Variants in EIF4G3 observed in about 807,000 individuals in gnomAD.
The protein encoded by EIF4G3 is eIF-4-gamma 3.
A neutral mutation model predicts 186.4 loss-of-function variants in EIF4G3; 34 were observed. That is an observed-to-expected ratio of 0.18 (90% confidence interval 0.14 to 0.24). EIF4G3 has a LOEUF of 0.24. Among genes scored for constraint, EIF4G3 ranks in the 10% least tolerant of loss-of-function variants. The pLI, the probability that EIF4G3 is intolerant of heterozygous loss-of-function variation, is 1.00. For missense variants in EIF4G3, 1,536 were observed against 1,948.5 expected (o/e 0.79, Z 3.99); for synonymous variants, 673 against 679.5 (o/e 0.99, Z 0.15).
Position 20,874,273 on chromosome 1 carries a change from A to G in EIF4G3, c.2622+5050T>C, listed in dbSNP as rs369778821. 2.8e-4 allele frequency among the ~76,000 whole-genome samples: 43 copies of G among 152,138 alleles called. 3 individuals are homozygous for G. Among genetic ancestry groups the G allele is most frequent in the African/African-American group, 8.2e-4 (34 of 41,554 alleles). On this transcript the variant is annotated intron_variant, in intron 20 of 36. Coordinates refer to ENST00000602326, the MANE Select transcript of EIF4G3 (RefSeq NM_001391906.1). ...TCCTTGAGGAATCGTCATACTGTTG[A>G]ACCAACTTACGTTCCCACCAACAGT... is the stretch of plus-strand genomic sequence containing the variant.
chr1:21,071,101 G>T (rs1423141079), intron 3 of EIF4G3, among the ~76,000 whole-genome samples: 1 of 152,126 alleles, frequency 6.6e-6, no homozygotes, highest in Admixed American at 6.6e-5. Context: ...ATAAATGATT[G>T]ATCTAATATA....
rs375832191 is a variant in EIF4G3, at chr1:21,002,776, T to C, written c.-34A>G. 2 of 1,613,632 alleles carry C rather than the reference T, an allele frequency of 1.2e-6. No individual in the cohort carries two copies. Among genetic ancestry groups the C allele is most frequent in the Non-Finnish European group, 1.7e-6 (2 of 1,179,632 alleles). ...GGGTTTGAGGGTATACCAGCGTGGT[T>C]GGACCTGCATTCTGTCCAGAGGGAT... On this transcript the variant is annotated 5_prime_UTR_variant, in exon 5 of 37. Coordinates refer to ENST00000602326, the MANE Select transcript of EIF4G3 (RefSeq NM_001391906.1).
intron 3 of EIF4G3, among the ~76,000 whole-genome samples, chr1:21,052,723 G>GGC (rs1369988683): frequency 1.3e-5 from 2 of 152,172 alleles, no homozygotes; most frequent in Non-Finnish European, 2.9e-5. Flanking sequence ...TGCGATTGCA[G>GGC]GCGCGCGCCG....
At chr1:20,981,380 T>A in intron 8 of EIF4G3, 153 bp from the exon 9 acceptor site, 1 of 608,990 alleles carries the variant, frequency 1.6e-6, no homozygotes, top group Admixed American at 3.1e-5. Flanking sequence ...ATTGCTGGGT[T>A]CCCAAAAATA....
chr1:20,902,167 G>C (rs1189378586), intron 15 of EIF4G3, among the ~76,000 whole-genome samples: 1 of 151,544 alleles, frequency 6.6e-6, no homozygotes, highest in Non-Finnish European at 1.5e-5. Flanking sequence ...AGGTTCAAGC[G>C]ATTCTCCTGC....
At chr1:20,998,212 TACACACACACACACAC>T (rs5772928) in intron 6 of EIF4G3, among the ~76,000 whole-genome samples, 53 of 148,452 alleles carry the variant, frequency 3.6e-4, no homozygotes, top group Non-Finnish European at 4.6e-4. Context: ...TTTATGACTT[TACACACACACACACAC>T]ACACACACAC....
intron 30 of EIF4G3, among the ~76,000 whole-genome samples, chr1:20,835,331 A>G (rs1213929711): frequency 6.6e-6 from 1 of 152,184 alleles, no homozygotes; most frequent in Non-Finnish European, 1.5e-5. Flanking sequence ...CTAGAAAAAG[A>G]AGAACAAACT....
intron 3 of EIF4G3, among the ~76,000 whole-genome samples, chr1:21,073,311 G>A (rs1324679402): frequency 6.6e-6 from 1 of 151,980 alleles, no homozygotes; most frequent in African/African-American, 2.4e-5. Flanking sequence ...ATTTTCAAAC[G>A]CCCTTGCAGC....
At chr1:20,884,023 G>T (rs1325432831) in intron 19 of EIF4G3, among the ~76,000 whole-genome samples, 2 of 152,186 alleles carry the variant, frequency 1.3e-5, no homozygotes, top group African/African-American at 4.8e-5. Context: ...GCTTCAAGAA[G>T]ATGAGAATAA....
At chr1:20,962,350 A>C (rs2073510434) in intron 12 of EIF4G3, among the ~76,000 whole-genome samples, 1 of 152,204 alleles carries the variant, frequency 6.6e-6, no homozygotes, top group Admixed American at 6.5e-5. Context: ...TGTAAGCTAG[A>C]AGAAAATGTG....
At chr1:20,838,351 A>C (rs1209949652) in intron 30 of EIF4G3, among the ~76,000 whole-genome samples, 1 of 152,164 alleles carries the variant, frequency 6.6e-6, no homozygotes, top group African/African-American at 2.4e-5. Flanking sequence ...CATTTCCAGA[A>C]TTTTCTGAGG....
At chr1:20,969,708 T>G (rs1226351738) in intron 11 of EIF4G3, 112 bp from the exon 12 acceptor site, 1 of 967,504 alleles carries the variant, frequency 1.0e-6, no homozygotes, top group Admixed American at 2.4e-5. Context: ...ATATCAAAGG[T>G]GATAATCACC....
rs1436000157 is a variant in EIF4G3 at position 20,841,114 on chromosome 1, AAC to A, written c.3889-88_3889-87del. On this transcript the variant is annotated intron_variant, in intron 29 of 36. Coordinates refer to ENST00000602326, the MANE Select transcript of EIF4G3 (RefSeq NM_001391906.1). ...GATAACTTTAAAATCTTTTACTTAC[AAC>A]AGAATCAGTAGAAACTTCCATGAAC... The A allele has an allele frequency of 6.5e-6, 9 of 1,381,490 alleles. No individual in the cohort carries two copies. In the African/African-American group the frequency reaches 1.3e-4, roughly 20 times the overall value. 85.6% of individuals were successfully genotyped at this position (1,381,490 alleles called of 1,614,324 possible). A position where few individuals can be genotyped will look rare whatever the true frequency, so the allele number is the denominator to read the frequency against.
chr1:21,081,948 CT>C (rs981259302), intron 3 of EIF4G3, among the ~76,000 whole-genome samples: 1 of 151,262 alleles, frequency 6.6e-6, no homozygotes, highest in African/African-American at 2.4e-5. Context: ...ACAGCCCCAA[CT>C]TTTTTTTCTT....
At chr1:20,871,981 G>A (rs2079326529) in intron 20 of EIF4G3, among the ~76,000 whole-genome samples, 1 of 151,874 alleles carries the variant, frequency 6.6e-6, no homozygotes, top group South Asian at 2.1e-4. Flanking sequence ...GCGCCACCAT[G>A]CCCAGCTAAT....
chr1:20,960,376 G>C (rs1183496350), intron 12 of EIF4G3, among the ~76,000 whole-genome samples: 1 of 152,080 alleles, frequency 6.6e-6, no homozygotes. Flanking sequence ...TGAGACAGAA[G>C]AATCACTTGA....
At chr1:20,999,340 G>A (rs754893244) in intron 6 of EIF4G3, 1 of 378,892 alleles carries the variant, frequency 2.6e-6, no homozygotes. Flanking sequence ...ATTAGGAGAA[G>A]AAAACATCAT....
At chr1:21,083,031 C>G (rs1300994603) in intron 3 of EIF4G3, among the ~76,000 whole-genome samples, 9 of 84,294 alleles carry the variant, frequency 1.1e-4, no homozygotes, top group African/African-American at 4.1e-4. Context: ...CAGCGAGACT[C>G]TGTCTCAAAA....
At position 20,969,500 on chromosome 1, in the gene EIF4G3, G is replaced by C; in HGVS notation, c.688C>G (p.Pro230Ala). 1 of 1,613,918 alleles carries C rather than the reference G, an allele frequency of 6.2e-7. No homozygotes were observed. Among genetic ancestry groups the C allele is most frequent in the Non-Finnish European group, 8.5e-7 (1 of 1,179,864 alleles). The change falls in exon 12 of 37, where the codon CCC becomes GCC. Residue 230 changes from proline (P) to alanine (A), a missense_variant. Pro to Ala is a conservative substitution (Grantham distance 27). Coordinates refer to ENST00000602326, the MANE Select transcript of EIF4G3 (RefSeq NM_001391906.1). Reference sequence around the variant, plus strand: ...TGAGGAGGAGTAGGTGTGGACGTGGGTCTTCCTATGGGTGGAGTAGGATTT... The same window carrying C: ...TGAGGAGGAGTAGGTGTGGACGTGGCTCTTCCTATGGGTGGAGTAGGATTT... ...SRNPTPPIGR[P>A]TSTPTPPQQL...
Sources: allele counts gnomAD v4.1 joint callset (sites outside exome capture counted in the v4.1 genomes callset), GRCh38; gene constraint gnomAD v4.1.1; transcripts MANE v1.5; gene names NCBI Gene and HGNC (gene_info 2026-07-23, HGNC 2026-07-21).